Variants in FGGY observed in about 807,000 individuals in gnomAD.
The protein encoded by FGGY is FGGY carbohydrate kinase domain-containing protein.
A neutral mutation model predicts 71.3 loss-of-function variants in FGGY; 72 were observed. That is an observed-to-expected ratio of 1.01 (90% confidence interval 0.84 to 1.23). The LOEUF (loss-of-function observed/expected upper bound fraction) is 1.23. FGGY is among the 50% of genes most tolerant of loss of function. FGGY has a pLI of 0.00. For synonymous variants in FGGY, 251 were observed against 250.3 expected, an observed-to-expected ratio of 1.00 and a Z score of -0.02; for missense variants, 668 against 682.3, an observed-to-expected ratio of 0.98 and a Z score of 0.23.
chr1:59,741,312 C>G (rs952085229), intron 14 of FGGY, among the ~76,000 whole-genome samples: 3 of 152,108 alleles, frequency 2.0e-5, no homozygotes, highest in Non-Finnish European at 4.4e-5. Context: ...AGCACCATCC[C>G]CCCATTGGTA....
intron 11 of FGGY, among the ~76,000 whole-genome samples, chr1:59,643,063 A>G (rs2097054452): frequency 6.6e-6 from 1 of 151,722 alleles, no homozygotes; most frequent in South Asian, 2.1e-4. Flanking sequence ...AAAAACCATT[A>G]CATACAAAGA....
intron 5 of FGGY, among the ~76,000 whole-genome samples, chr1:59,455,544 C>T (rs77002716): frequency 0.069 from 10,536 of 152,190 alleles, 471 homozygotes; most frequent in South Asian, 0.13. Context: ...GTGCATTGGA[C>T]TTTGTCCTGA....
At chr1:59,726,107 G>T (rs1314246502) in intron 14 of FGGY, among the ~76,000 whole-genome samples, 1 of 151,794 alleles carries the variant, frequency 6.6e-6, no homozygotes, top group Non-Finnish European at 1.5e-5. Context: ...AGTTTGCTGT[G>T]AATTTTTAAT....
intron 14 of FGGY, among the ~76,000 whole-genome samples, chr1:59,714,360 G>T (rs1405828735): frequency 6.6e-6 from 1 of 152,144 alleles, no homozygotes; most frequent in African/African-American, 2.4e-5. Flanking sequence ...TTAGATCTGG[G>T]ACTTCAAAGA....
chr1:59,668,795 C>A (rs970204736), intron 13 of FGGY, among the ~76,000 whole-genome samples: 1 of 150,124 alleles, frequency 6.7e-6, no homozygotes, highest in East Asian at 1.9e-4. Context: ...CCAGCCTGAC[C>A]AATATGGAGA....
intron 4 of FGGY, among the ~76,000 whole-genome samples, chr1:59,359,342 A>G (rs111270578): frequency 1.3e-5 from 2 of 152,294 alleles, no homozygotes; most frequent in African/African-American, 4.8e-5. Context: ...AAAGTTATTA[A>G]AAGTTTAGCT....
intron 14 of FGGY, among the ~76,000 whole-genome samples, chr1:59,712,701 G>A (rs966013471): frequency 6.6e-5 from 10 of 152,108 alleles, no homozygotes; most frequent in African/African-American, 2.4e-4. Flanking sequence ...CTATAGGGAC[G>A]CAGGGCACCA....
chr1:59,529,214 A>G (rs911377097), intron 7 of FGGY, among the ~76,000 whole-genome samples: 1 of 152,380 alleles, frequency 6.6e-6, no homozygotes, highest in East Asian at 1.9e-4. Context: ...TGAGTTCTAC[A>G]GGAATTTTAA....
intron 14 of FGGY, among the ~76,000 whole-genome samples, chr1:59,684,527 G>T (rs1323428865): frequency 1.6e-4 from 24 of 152,136 alleles, no homozygotes; most frequent in Non-Finnish European, 1.5e-5. Context: ...GGAAGAAGGA[G>T]CTTGGGCCTC....
intron 6 of FGGY, among the ~76,000 whole-genome samples, chr1:59,500,663 C>CAAAAAA (rs922111998): frequency 6.7e-5 from 3 of 44,758 alleles, no homozygotes; most frequent in South Asian, 1.3e-3. Flanking sequence ...GCCTTCTTGC[C>CAAAAAA]AAAAAAAAAA....
intron 10 of FGGY, chr1:59,626,894 T>A (rs2096862276): frequency 6.6e-6 from 1 of 150,752 alleles, no homozygotes; most frequent in African/African-American, 2.4e-5. Context: ...AACCAGAAAA[T>A]AATAAGATTA....
chr1:59,328,771 T>C lies in FGGY; in HGVS notation c.201+7021T>C, dbSNP rs75676348. On this transcript the variant is annotated intron_variant, in intron 2 of 15. Transcript: ENST00000303721. ...TTGGAGACCATTGTAGGGTTATTAA[T>C]TGGCCTAATTTCAAAGTTGTGTCTC... Among the ~76,000 whole-genome samples the C allele has an allele frequency of 6.6e-3, 998 of 151,996 alleles. 8 individuals carry two copies. The highest frequency in any genetic ancestry group is 0.023 in the African/African-American group (947 of 41,466).
chr1:59,578,965 C>G (rs943990747), intron 8 of FGGY, among the ~76,000 whole-genome samples: 1 of 152,112 alleles, frequency 6.6e-6, no homozygotes, highest in Non-Finnish European at 1.5e-5. Flanking sequence ...CATTTATTGT[C>G]TTTGCCACAC....
intron 14 of FGGY, among the ~76,000 whole-genome samples, chr1:59,706,050 G>A (rs2097755721): frequency 6.6e-6 from 1 of 152,216 alleles, no homozygotes; most frequent in African/African-American, 2.4e-5. Flanking sequence ...CCCTTTAGGA[G>A]GAGGGAAGCC....
At chr1:59,556,778 A>G (rs960406348) in intron 8 of FGGY, among the ~76,000 whole-genome samples, 2 of 152,224 alleles carry the variant, frequency 1.3e-5, no homozygotes, top group African/African-American at 2.4e-5. Flanking sequence ...CAGACACTCA[A>G]AAATGGTGGA....
At chr1:59,551,889 C>G (rs2095613501) in intron 7 of FGGY, among the ~76,000 whole-genome samples, 1 of 152,174 alleles carries the variant, frequency 6.6e-6, no homozygotes, top group Admixed American at 6.5e-5. Flanking sequence ...GTACAAAAGC[C>G]TTTGTGCCCT....
At chr1:59,698,953 C>G in intron 14 of FGGY, 1 of 985,240 alleles carries the variant, frequency 1.0e-6, no homozygotes, top group African/African-American at 1.7e-5. Context: ...AATACATCCC[C>G]ATTAATCAAG....
At chr1:59,651,950 G>A (rs1391171886) in intron 11 of FGGY, among the ~76,000 whole-genome samples, 1 of 151,334 alleles carries the variant, frequency 6.6e-6, no homozygotes, top group Non-Finnish European at 1.5e-5. Flanking sequence ...CAGGCCTGGT[G>A]GTGACAAAAT....
intron 6 of FGGY, among the ~76,000 whole-genome samples, chr1:59,498,953 G>A (rs1389668276): frequency 6.6e-6 from 1 of 152,204 alleles, no homozygotes; most frequent in Non-Finnish European, 1.5e-5. Context: ...GTTAAAAGTG[G>A]ACACTTTCTG....
Sources: allele counts gnomAD v4.1 joint callset (sites outside exome capture counted in the v4.1 genomes callset), GRCh38; gene constraint gnomAD v4.1.1; transcripts MANE v1.5; gene names NCBI Gene and HGNC (gene_info 2026-07-23, HGNC 2026-07-21).